The following DRC1 variants were observed in gnomAD, a reference collection of about 807,000 sequenced individuals.
DRC1 encodes the protein dynein regulatory complex subunit 1.
A neutral mutation model predicts 98.7 loss-of-function variants in DRC1; 74 were observed. That is an observed-to-expected ratio of 0.75 (90% confidence interval 0.62 to 0.91). The LOEUF (loss-of-function observed/expected upper bound fraction) is 0.91, where lower values mean the gene tolerates loss of function less well. Ranked by LOEUF, DRC1 falls within the 40% of genes least tolerant of loss-of-function variation. The probability of loss-of-function intolerance (pLI) is 0.00; values close to 1 mark genes in which losing one functional copy is unlikely to be tolerated. For missense variants in DRC1, 875 were observed against 886.0 expected (o/e 0.99, Z 0.16); for synonymous variants, 336 against 334.1 (o/e 1.01, Z -0.06).
chr2:26,432,135 A>G, intron 7 of DRC1, 129 bp downstream of exon 7: 2 of 1,351,214 alleles, frequency 1.5e-6, no homozygotes, highest in Admixed American at 2.8e-5. Flanking sequence ...TTTATTAATC[A>G]TCTGCCTTCT....
chr2:26,456,397 G>T, intron 16 of DRC1, 64 bp from the exon 17 acceptor site: 2 of 1,604,042 alleles, frequency 1.2e-6, no homozygotes, highest in Non-Finnish European at 1.7e-6. Flanking sequence ...AGCGTGGCTC[G>T]CAAGGGTGGC....
chr2:26,424,515 A>G, intron 4 of DRC1, 61 bp downstream of exon 4: 3 of 1,519,448 alleles, frequency 2.0e-6, no homozygotes, highest in Non-Finnish European at 2.7e-6. Context: ...TAGCTGGGTT[A>G]CTGGTTTGCT....
intron 1 of DRC1, among the ~76,000 whole-genome samples, chr2:26,414,088 ATATT>A (rs1678713610): frequency 6.8e-6 from 1 of 146,262 alleles, no homozygotes; most frequent in Non-Finnish European, 1.5e-5. Flanking sequence ...TATGGAATAT[ATATT>A]TATATATGAA....
At chr2:26,438,206 A>G (rs1301612399) in intron 7 of DRC1, among the ~76,000 whole-genome samples, 1 of 152,128 alleles carries the variant, frequency 6.6e-6, no homozygotes, top group East Asian at 1.9e-4. Flanking sequence ...AAAATTGTAG[A>G]CACAGTTTGA....
intron 1 of DRC1, among the ~76,000 whole-genome samples, chr2:26,412,232 A>G (rs1460292933): frequency 6.6e-6 from 1 of 152,124 alleles, no homozygotes; most frequent in African/African-American, 2.4e-5. Context: ...AGTTAGAAAA[A>G]GTCAAGAAAG....
chr2:26,402,134 G>A lies in DRC1; in HGVS notation c.145G>A (p.Ala49Thr), dbSNP rs771727269. The change falls in exon 1 of 17, where the codon GCC becomes ACC. Residue 49 changes from alanine (A) to threonine (T), a missense_variant. Ala to Thr is a moderately conservative substitution (Grantham distance 58). Transcript: ENST00000288710. ...CCTCCGCATCGCTGCGCGCTTAGAA[G>A]CCCGGAGGCGGTGAGCGCGGGGGCG... Reference protein sequence around the residue: ...RRLRIAARLEARRREALGEYL... With the variant: ...RRLRIAARLETRRREALGEYL... 11 of 1,606,440 alleles carry A rather than the reference G, an allele frequency of 6.8e-6. No homozygotes were observed. The Middle Eastern group carries it at 7.1e-4, about 103-fold the overall frequency.
chr2:26,426,369 TA>T (rs201304015), intron 4 of DRC1, among the ~76,000 whole-genome samples: 9 of 146,404 alleles, frequency 6.1e-5, no homozygotes, highest in Non-Finnish European at 1.3e-4. Flanking sequence ...TGTTTTTGTT[TA>T]TTTTTTTTTT....
chr2:26,452,687 G>C (rs1056201726), intron 13 of DRC1, among the ~76,000 whole-genome samples: 10 of 152,220 alleles, frequency 6.6e-5, no homozygotes, highest in African/African-American at 2.4e-4. Context: ...ATGTCTACAC[G>C]ATGGGGTACT....
At position 26,448,685 on chromosome 2, in the gene DRC1, C is replaced by T; in HGVS notation, c.1397-6C>T. The stretch of plus-strand genomic sequence containing the variant: ...TTTCTCTCTCCTCCCCATGACCCAA[C>T]TGCAGAAGAGGAGGAGGCAGAAGAG... On this transcript the variant is annotated splice_region_variant and splice_polypyrimidine_tract_variant and intron_variant, in intron 10 of 16. Transcript: ENST00000288710. The T allele has an allele frequency of 6.2e-7, 1 of 1,613,988 alleles. No individual in the cohort carries two copies. The highest frequency in any genetic ancestry group is 8.5e-7 in the Non-Finnish European group (1 of 1,179,820).
rs548209014 is a variant in DRC1, at chr2:26,439,936, T to TATATATATATACAC, written c.889-441_889-440insTATATATATACACA. On this transcript the variant is annotated intron_variant, in intron 7 of 16. Coordinates refer to ENST00000288710, the MANE Select transcript of DRC1 (RefSeq NM_145038.5). ...ACTAGTGTGTGAATATATATATATA[T>TATATATATATACAC]ACACACACACATACACACACACACA... Among the ~76,000 whole-genome samples, 8 of 75,466 alleles carry TATATATATATACAC rather than the reference T, an allele frequency of 1.1e-4. 1 individual carries two copies. Among genetic ancestry groups the TATATATATATACAC allele is most frequent in the African/African-American group, 3.0e-4 (7 of 22,996 alleles). The allele number at this position is 75,466 out of a possible 152,430, so 49.5% of individuals were successfully genotyped here.
intron 1 of DRC1, among the ~76,000 whole-genome samples, chr2:26,405,653 CTTTTTTTTTTTT>C (rs10601492): frequency 1.9e-5 from 1 of 53,564 alleles, no homozygotes; most frequent in African/African-American, 6.9e-5. Flanking sequence ...AAGGCTATAT[CTTTTTTTTTTTT>C]TTTTTTTTTT....
At chr2:26,403,667 C>T (rs6734555) in intron 1 of DRC1, among the ~76,000 whole-genome samples, 62,723 of 151,374 alleles carry the variant, frequency 0.41, 14,673 homozygotes, top group Non-Finnish European at 0.54. Flanking sequence ...TGGTGGCAGG[C>T]ACCTGTAATC....
intron 3 of DRC1, 82 bp from the exon 4 acceptor site, chr2:26,424,187 TAG>T (rs1663223575): frequency 6.5e-7 from 1 of 1,529,472 alleles, no homozygotes; most frequent in Non-Finnish European, 8.9e-7. Context: ...TCTTATATTC[TAG>T]AGATTCTAGA....
chr2:26,414,022 G>A (rs549828961), intron 1 of DRC1, among the ~76,000 whole-genome samples: 5 of 151,508 alleles, frequency 3.3e-5, no homozygotes, highest in South Asian at 2.1e-4. Context: ...CTCCCAAAGC[G>A]CTGGGATTAA....
chr2:26,422,407 G>T (rs1572362089), intron 3 of DRC1, among the ~76,000 whole-genome samples: 1 of 152,146 alleles, frequency 6.6e-6, no homozygotes, highest in Admixed American at 6.5e-5. Flanking sequence ...AGGTTCACAG[G>T]GATCACAAGA....
intron 6 of DRC1, 95 bp from the exon 7 acceptor site, chr2:26,431,789 A>G (rs963320881): frequency 1.9e-6 from 3 of 1,540,664 alleles, no homozygotes; most frequent in African/African-American, 2.8e-5. Flanking sequence ...GAAACTTCCA[A>G]ACTCTCCCCT....
In DRC1 at chr2:26,430,891, C is replaced by T. The variant is rs1482151091; in HGVS notation, c.765+19C>T. The T allele has an allele frequency of 6.3e-7, 1 of 1,597,530 alleles. No homozygotes were observed. The highest frequency in any genetic ancestry group is 8.5e-7 in the Non-Finnish European group (1 of 1,169,794). ...CAAAGAGGTAAAGGGTGGAGCCTGT[C>T]AAGAGTGATCCGTGGGGTCTGGGTG... is the stretch of plus-strand genomic sequence containing the variant. On this transcript the variant is annotated intron_variant, in intron 6 of 16. Coordinates refer to ENST00000288710, the MANE Select transcript of DRC1 (RefSeq NM_145038.5).
chr2:26,431,190 A>G (rs4363988), intron 6 of DRC1, among the ~76,000 whole-genome samples: 133,651 of 152,180 alleles, frequency 0.88, 59,631 homozygotes, highest in Non-Finnish European at 0.92. Context: ...TCCTGACCTC[A>G]TGATCCTCTC....
intron 1 of DRC1, among the ~76,000 whole-genome samples, chr2:26,408,921 A>T (rs922582252): frequency 6.6e-6 from 1 of 151,944 alleles, no homozygotes; most frequent in Admixed American, 6.6e-5. Flanking sequence ...AAAAAAATTT[A>T]TTTTTATTAT....
Sources: allele counts gnomAD v4.1 joint callset (sites outside exome capture counted in the v4.1 genomes callset), GRCh38; gene constraint gnomAD v4.1.1; transcripts MANE v1.5; gene names NCBI Gene and HGNC (gene_info 2026-07-23, HGNC 2026-07-21).